The following CSMD2 variants were observed in gnomAD, a reference collection of about 807,000 sequenced individuals.
CSMD2 encodes CUB and sushi domain-containing protein 2.
Under a neutral mutation model 398.5 loss-of-function variants are expected in CSMD2, and 130 were observed. That is an observed-to-expected ratio of 0.33 (90% CI 0.28 to 0.38). CSMD2 has a LOEUF of 0.38. CSMD2 is among the 10% of genes least tolerant of loss of function. CSMD2 has a pLI of 1.00. For synonymous variants in CSMD2, 1,828 were observed against 1,908.5 expected (o/e 0.96, Z 1.10); for missense variants, 3,829 against 4,764.9 (o/e 0.80, Z 5.78).
intron 32 of CSMD2, among the ~76,000 whole-genome samples, chr1:33,628,160 G>A (rs1420668146): frequency 6.6e-6 from 1 of 152,212 alleles, no homozygotes; most frequent in Admixed American, 6.5e-5. Flanking sequence ...AGGCTGCAAA[G>A]AGATGAGAAA....
rs182806014 is a variant in CSMD2 at position 33,596,810 on chromosome 1, G to A, written c.6856+4055C>T. ...ACAATTCAAGATGAGATTTGGGTGG[G>A]GACACAGCCAAACCATATCAGATGT... On this transcript the variant is annotated intron_variant, in intron 44 of 70. Transcript: ENST00000373381. 1.2e-3 allele frequency among the ~76,000 whole-genome samples: 183 copies of A among 152,244 alleles called. 1 individual carries two copies. The highest frequency in any genetic ancestry group is 2.9e-4 in the Non-Finnish European group (20 of 68,016).
rs769846934 is a variant in CSMD2, at chr1:33,725,555, G to A, written c.2508-19C>T. ...TTTGAATCTGCCAAATGACAGAAATGAAGCCTTCTTGAGAAATCCAAGCTT... is the reference window on the plus strand; with the variant it reads ...TTTGAATCTGCCAAATGACAGAAATAAAGCCTTCTTGAGAAATCCAAGCTT... On this transcript the variant is annotated intron_variant, in intron 16 of 70. Transcript: ENST00000373381. 6.8e-6 allele frequency: 11 copies of A among 1,612,146 alleles called. No homozygotes were observed. The Admixed American group carries it at 1.8e-4, about 27-fold the overall frequency.
At chr1:33,861,629 G>A (rs1051208358) in intron 5 of CSMD2, among the ~76,000 whole-genome samples, 1 of 152,176 alleles carries the variant, frequency 6.6e-6, no homozygotes, top group African/African-American at 2.4e-5. Context: ...CATGGTGAAA[G>A]GCTAAAACCA....
Position 33,605,459 on chromosome 1 carries a change from G to C in CSMD2, c.6355C>G (p.Gln2119Glu), listed in dbSNP as rs1352638370. 9.9e-6 allele frequency: 16 copies of C among 1,614,036 alleles called. No homozygotes were observed. Among genetic ancestry groups the C allele is most frequent in the Non-Finnish European group, 1.1e-5 (13 of 1,180,024 alleles). Reference protein sequence around the residue: ...FKLEYQAYELQECPDPEPFAN... With the variant: ...FKLEYQAYELEECPDPEPFAN... Reference sequence around the variant, plus strand: ...AAGGGCTCTGGGTCTGGGCACTCTTGAAGTTCATAGGCTGGAAAAGATCCG... The same window carrying C: ...AAGGGCTCTGGGTCTGGGCACTCTTCAAGTTCATAGGCTGGAAAAGATCCG... Residue 2119 changes from glutamine (Q) to glutamate (E), a missense_variant, in exon 42 of 71, where the codon CAA (glutamine) becomes GAA (glutamate). This residue lies in a region of CSMD2 where 2,001 missense variants were observed against 2,567.1 expected (regional missense o/e 0.78). Coordinates refer to ENST00000373381, the MANE Select transcript of CSMD2 (RefSeq NM_001281956.2).
chr1:33,854,476 G>A (rs550047345), intron 5 of CSMD2, among the ~76,000 whole-genome samples: 10 of 152,326 alleles, frequency 6.6e-5, no homozygotes, highest in Admixed American at 5.9e-4. Flanking sequence ...AGTGCCACGC[G>A]GGCTTCACCC....
chr1:34,029,006 G>A (rs1344091385), intron 3 of CSMD2, among the ~76,000 whole-genome samples: 1 of 152,314 alleles, frequency 6.6e-6, no homozygotes, highest in Admixed American at 6.5e-5. Context: ...CTGGATGAGG[G>A]TGGAGGAGGA....
In CSMD2 at chr1:34,069,823, T is replaced by C. The variant is rs965880616; in HGVS notation, c.404+19154A>G. Among the ~76,000 whole-genome samples the C allele has an allele frequency of 4.6e-5, 7 of 152,302 alleles. 1 individual carries two copies. The highest frequency in any genetic ancestry group is 1.7e-4 in the African/African-American group (7 of 41,570). Reference sequence around the variant, plus strand: ...AGAAGCACATCCACCAGGAGCATGATTTAGACAAAAGTGTGATTTAGATAC... The same window carrying C: ...AGAAGCACATCCACCAGGAGCATGACTTAGACAAAAGTGTGATTTAGATAC... On this transcript the variant is annotated intron_variant, in intron 2 of 70. Coordinates refer to ENST00000373381, the MANE Select transcript of CSMD2 (RefSeq NM_001281956.2).
chr1:33,788,118 C>G (rs1653754294), intron 12 of CSMD2, among the ~76,000 whole-genome samples: 1 of 152,072 alleles, frequency 6.6e-6, no homozygotes, highest in Admixed American at 6.5e-5. Flanking sequence ...AGATAATCCT[C>G]AAAACAACCA....
At chr1:33,784,123 CAG>C (rs1432597540) in intron 12 of CSMD2, among the ~76,000 whole-genome samples, 1 of 152,148 alleles carries the variant, frequency 6.6e-6, no homozygotes, top group Non-Finnish European at 1.5e-5. Context: ...TGGAAGTCAC[CAG>C]AGTTTGGGTT....
At chr1:33,660,104 A>T (rs1644083788) in intron 26 of CSMD2, among the ~76,000 whole-genome samples, 1 of 152,254 alleles carries the variant, frequency 6.6e-6, no homozygotes, top group Non-Finnish European at 1.5e-5. Context: ...GGGAGGCAAT[A>T]GAGTACAATG....
chr1:33,726,036 C>T (rs1462747988), intron 16 of CSMD2, among the ~76,000 whole-genome samples: 1 of 152,110 alleles, frequency 6.6e-6, no homozygotes, highest in Non-Finnish European at 1.5e-5. Context: ...AGTTTGCAGA[C>T]TGCTATTCCA....
At chr1:33,955,337 G>A (rs1308847710) in intron 3 of CSMD2, among the ~76,000 whole-genome samples, 4 of 152,166 alleles carry the variant, frequency 2.6e-5, no homozygotes, top group East Asian at 3.9e-4. Flanking sequence ...CAGCTTCCAC[G>A]CAGGAGGCTG....
intron 25 of CSMD2, among the ~76,000 whole-genome samples, chr1:33,669,597 T>G (rs1429586847): frequency 6.6e-6 from 1 of 152,222 alleles, no homozygotes; most frequent in African/African-American, 2.4e-5. Flanking sequence ...TGCCTGGAAG[T>G]TCCCCCTGCA....
chr1:33,578,111 G>C (rs1244097089), intron 48 of CSMD2, among the ~76,000 whole-genome samples: 1 of 152,112 alleles, frequency 6.6e-6, no homozygotes, highest in Non-Finnish European at 1.5e-5. Flanking sequence ...TGTGCTGTGT[G>C]GGGGAATGTG....
intron 1 of CSMD2, among the ~76,000 whole-genome samples, chr1:34,092,464 G>T (rs1440921672): frequency 6.6e-6 from 1 of 152,336 alleles, no homozygotes; most frequent in Non-Finnish European, 1.5e-5. Flanking sequence ...CGAGGCAGAA[G>T]AGGGGTGATT....
chr1:33,753,397 C>T (rs1173663454), intron 13 of CSMD2, among the ~76,000 whole-genome samples: 1 of 152,236 alleles, frequency 6.6e-6, no homozygotes, highest in Non-Finnish European at 1.5e-5. Context: ...ACAGCTTGGG[C>T]TGCTGCTCTG....
In CSMD2 at chr1:33,567,751, G is replaced by A. The variant is rs1659189550; in HGVS notation, c.8222C>T (p.Thr2741Ile). Residue 2741 changes from threonine to isoleucine, a missense_variant, in exon 53 of 71, where the codon ACT becomes ATT. Transcript: ENST00000373381. Reference sequence around the variant, plus strand: ...GTGTCCGTTGACAATGGGCTCAGGAGTCCCACAGTGTCCAGCTTTGGTGAG... The same window carrying A: ...GTGTCCGTTGACAATGGGCTCAGGAATCCCACAGTGTCCAGCTTTGGTGAG... ...PSLTKAGHCG[T>I]PEPIVNGHIN... The A allele has an allele frequency of 1.2e-6, 2 of 1,613,932 alleles. No homozygotes were observed. The highest frequency in any genetic ancestry group is 1.7e-6 in the Non-Finnish European group (2 of 1,180,012).
intron 6 of CSMD2, among the ~76,000 whole-genome samples, chr1:33,832,638 A>C (rs888667878): frequency 8.0e-5 from 12 of 150,638 alleles, no homozygotes; most frequent in Admixed American, 2.0e-4. Context: ...GAAGGCAAGA[A>C]ATAACTAAAA....
chr1:33,813,722 G>T (rs564361411), intron 9 of CSMD2, among the ~76,000 whole-genome samples: 1 of 152,006 alleles, frequency 6.6e-6, no homozygotes, highest in Non-Finnish European at 1.5e-5. Context: ...GAACTGCTCC[G>T]GGTGCAAGTG....
Sources: allele counts gnomAD v4.1 joint callset (sites outside exome capture counted in the v4.1 genomes callset), GRCh38; gene constraint gnomAD v4.1.1; regional missense constraint gnomAD v4.1.1; transcripts MANE v1.5; gene names NCBI Gene and HGNC (gene_info 2026-07-23, HGNC 2026-07-21).